The following P3H2 variants were observed in gnomAD, a reference collection of about 807,000 sequenced individuals.
The protein encoded by P3H2 is prolyl 3-hydroxylase 2.
P3H2 carries 80 observed loss-of-function variants against 87.0 expected under a neutral mutation model. That is an observed-to-expected ratio of 0.92 (90% CI 0.77 to 1.11). The LOEUF is 1.11. P3H2 is among the 50% of genes least tolerant of loss of function. The probability of loss-of-function intolerance (pLI) is 0.00; values close to 1 mark genes in which losing one functional copy is unlikely to be tolerated. For missense variants in P3H2, 1,001 were observed against 923.9 expected, an observed-to-expected ratio of 1.08 and a Z score of -1.08; for synonymous variants, 367 against 359.3, an observed-to-expected ratio of 1.02 and a Z score of -0.24.
chr3:190,102,343 T>C (rs1480058136), intron 1 of P3H2, among the ~76,000 whole-genome samples: 7 of 152,238 alleles, frequency 4.6e-5, no homozygotes, highest in Admixed American at 4.6e-4. Flanking sequence ...GGAAAGGATT[T>C]ACCATTCTAG....
At chr3:190,081,725 C>A (rs1447742656) in intron 1 of P3H2, among the ~76,000 whole-genome samples, 1 of 152,078 alleles carries the variant, frequency 6.6e-6, no homozygotes, top group African/African-American at 2.4e-5. Flanking sequence ...TTCCTCAAAA[C>A]CCTTGAATGA....
At chr3:190,044,817 T>C (rs964701782) in intron 1 of P3H2, among the ~76,000 whole-genome samples, 3 of 152,134 alleles carry the variant, frequency 2.0e-5, no homozygotes, top group Non-Finnish European at 2.9e-5. Context: ...GTCACTATGA[T>C]TTAGCGGAGG....
chr3:190,051,895 C>G (rs1725995710), intron 1 of P3H2, among the ~76,000 whole-genome samples: 1 of 152,126 alleles, frequency 6.6e-6, no homozygotes, highest in African/African-American at 2.4e-5. Context: ...CCCTCTCAGG[C>G]CTGGGAATGC....
intron 1 of P3H2, among the ~76,000 whole-genome samples, chr3:190,034,593 AGAAC>A (rs141618472): frequency 0.79 from 119,289 of 151,348 alleles, 46,997 homozygotes; most frequent in East Asian, 0.86. Context: ...TGAGGAAGAA[AGAAC>A]AAACAAATGG....
chr3:190,015,301 TG>T (rs1209134493), intron 1 of P3H2, among the ~76,000 whole-genome samples: 1 of 152,236 alleles, frequency 6.6e-6, no homozygotes, highest in East Asian at 1.9e-4. Flanking sequence ...CAGTTTCCTA[TG>T]TTTATCTCTT....
At chr3:190,116,811 T>G (rs1373757425) in intron 1 of P3H2, among the ~76,000 whole-genome samples, 4 of 152,262 alleles carry the variant, frequency 2.6e-5, no homozygotes, top group Non-Finnish European at 5.9e-5. Context: ...GTTTGAAGAG[T>G]CTCACACTGC....
At chr3:190,030,296 G>T (rs1329420540) in intron 1 of P3H2, among the ~76,000 whole-genome samples, 1 of 152,180 alleles carries the variant, frequency 6.6e-6, no homozygotes, top group Non-Finnish European at 1.5e-5. Context: ...ATTTTGGCTG[G>T]GGTGGTGGTA....
chr3:189,982,802 A>C (rs1443522612), intron 8 of P3H2, among the ~76,000 whole-genome samples: 1 of 152,238 alleles, frequency 6.6e-6, no homozygotes, highest in African/African-American at 2.4e-5. Flanking sequence ...CTTGGGAAAC[A>C]GATGAGGGAG....
At chr3:190,120,183 G>T in intron 1 of P3H2, 69 bp downstream of exon 1, 1 of 1,543,270 alleles carries the variant, frequency 6.5e-7, no homozygotes, top group Non-Finnish European at 8.8e-7. Flanking sequence ...GACGGGGGCA[G>T]CAGGGAGGGC....
chr3:190,095,853 C>T (rs181664599), intron 1 of P3H2, among the ~76,000 whole-genome samples: 68 of 152,162 alleles, frequency 4.5e-4, no homozygotes, highest in Admixed American at 2.0e-4. Flanking sequence ...TCGCCCACCT[C>T]GGCCTCCCAA....
chr3:190,029,502 T>G (rs780367854), intron 1 of P3H2, among the ~76,000 whole-genome samples: 4 of 152,176 alleles, frequency 2.6e-5, no homozygotes, highest in Non-Finnish European at 5.9e-5. Flanking sequence ...GACTTTCTTT[T>G]TTTTTTGCTT....
intron 1 of P3H2, among the ~76,000 whole-genome samples, chr3:190,096,792 G>A (rs1727603238): frequency 6.6e-6 from 1 of 152,166 alleles, no homozygotes; most frequent in Non-Finnish European, 1.5e-5. Context: ...GGGGTGAATT[G>A]CTAAATTTCA....
Position 190,041,027 on chromosome 3 carries a change from TATATATATATAC to T in P3H2, c.481-45597_481-45586del, listed in dbSNP as rs1158383743. 2.4e-4 allele frequency among the ~76,000 whole-genome samples: 7 copies of T among 29,726 alleles called. No homozygotes were observed. In the East Asian group the frequency reaches 4.4e-3, roughly 19 times the overall value. 19.5% of individuals were successfully genotyped at this position (29,726 alleles called of 152,430 possible). On this transcript the variant is annotated intron_variant, in intron 1 of 14. Coordinates refer to ENST00000319332, the MANE Select transcript of P3H2 (RefSeq NM_018192.4). ...GGCAAAACCATGGCTCTACTATATATATATATATATACACACACACACACACACACACACACA... is the reference window on the plus strand; with the variant it reads ...GGCAAAACCATGGCTCTACTATATATACACACACACACACACACACACACA...
At chr3:189,961,433 A>G (rs537551539) in intron 14 of P3H2, among the ~76,000 whole-genome samples, 24 of 152,192 alleles carry the variant, frequency 1.6e-4, no homozygotes, top group Admixed American at 5.9e-4. Context: ...GAGAACTGAG[A>G]CCCTTTAAAG....
rs149959979 is a variant in P3H2 at position 189,991,312 on chromosome 3, G to C, written c.824-2274C>G. On this transcript the variant is annotated intron_variant, in intron 3 of 14. Coordinates refer to ENST00000319332, the MANE Select transcript of P3H2 (RefSeq NM_018192.4). ...TGGGTGTGTCACAAATTGGTCATTCGTCACATTAATTTTCAGTCTACTTCC... is the reference window on the plus strand; with the variant it reads ...TGGGTGTGTCACAAATTGGTCATTCCTCACATTAATTTTCAGTCTACTTCC... Among the ~76,000 whole-genome samples, 152 of 152,278 alleles carry C rather than the reference G, an allele frequency of 1.0e-3. No homozygotes were observed. In the Middle Eastern group the frequency reaches 0.01, roughly 10 times the overall value.
At chr3:190,068,612 G>T (rs1425530527) in intron 1 of P3H2, among the ~76,000 whole-genome samples, 2 of 152,160 alleles carry the variant, frequency 1.3e-5, no homozygotes, top group Non-Finnish European at 2.9e-5. Flanking sequence ...CTATGTAGGA[G>T]ATTTGTTTTC....
At chr3:190,063,096 G>A (rs1726384262) in intron 1 of P3H2, among the ~76,000 whole-genome samples, 1 of 152,058 alleles carries the variant, frequency 6.6e-6, no homozygotes, top group African/African-American at 2.4e-5. Context: ...CCCAACAAAT[G>A]GCTCCTGAGA....
intron 9 of P3H2, 72 bp from the exon 10 acceptor site, chr3:189,974,076 T>C: frequency 2.3e-6 from 3 of 1,286,446 alleles, no homozygotes; most frequent in Admixed American, 1.7e-5. Context: ...CTGCTTTGGC[T>C]GCCAGAAAGC....
intron 1 of P3H2, among the ~76,000 whole-genome samples, chr3:190,070,320 T>C (rs564750738): frequency 2.0e-5 from 3 of 152,324 alleles, no homozygotes; most frequent in African/African-American, 7.2e-5. Context: ...ATTATCCTCA[T>C]CTGATCTATC....
Sources: gnomAD v4.1 joint callset for allele counts (sites outside exome capture counted in the v4.1 genomes callset) on GRCh38, gnomAD v4.1.1 for gene constraint, MANE v1.5 for transcripts, NCBI Gene and HGNC (gene_info 2026-07-23, HGNC 2026-07-21) for gene names.